The following UBR1 variants were observed in gnomAD, a reference collection of about 807,000 sequenced individuals.
The protein encoded by UBR1 is E3 ubiquitin-protein ligase UBR1.
UBR1 carries 102 observed loss-of-function variants against 242.1 expected under a neutral mutation model. That is an observed-to-expected ratio of 0.42 (90% CI 0.36 to 0.50). UBR1 has a LOEUF of 0.50. UBR1 is among the 20% of genes least tolerant of loss of function. The pLI, the probability that UBR1 is intolerant of heterozygous loss-of-function variation, is 0.01. For missense variants in UBR1, 1,772 were observed against 2,101.8 expected, an observed-to-expected ratio of 0.84 and a Z score of 3.07; for synonymous variants, 675 against 684.8, an observed-to-expected ratio of 0.99 and a Z score of 0.22.
At chr15:43,060,166 A>G (rs749880647) in intron 6 of UBR1, 52 bp from the exon 7 acceptor site, 56 of 1,544,126 alleles carry the variant, frequency 3.6e-5, no homozygotes, top group Non-Finnish European at 4.6e-5. Context: ...ACCACAATCA[A>G]TAAGCAATAT....
chr15:43,076,402 C>T (rs1482456309), intron 3 of UBR1, among the ~76,000 whole-genome samples: 1 of 152,184 alleles, frequency 6.6e-6, no homozygotes, highest in Non-Finnish European at 1.5e-5. Context: ...CGGCCGCCAC[C>T]CCGTCTGGGA....
chr15:43,007,143 C>T lies in UBR1; in HGVS notation c.3351G>A (p.Ser1117=), dbSNP rs373656330. ...AGGCAGTAGATTTCTGGACACAGGC[C>T]GATAATACCATGGCATTATTTTCTA... The part of the protein sequence containing the change: ...VKIENNAMVL[S]ACVQKSTALT... Residue 1117 remains serine, a synonymous_variant, in exon 30 of 47, where the codon TCG becomes TCA. Coordinates refer to ENST00000290650, the MANE Select transcript of UBR1 (RefSeq NM_174916.3). The T allele has an allele frequency of 5.1e-5, 83 of 1,614,042 alleles. No individual in the cohort carries two copies. The African/African-American group carries it at 8.8e-4, about 17-fold the overall frequency.
chr15:43,058,466 G>C, intron 9 of UBR1, 37 bp from the exon 10 acceptor site: 1 of 1,516,080 alleles, frequency 6.6e-7, no homozygotes, highest in Non-Finnish European at 9.1e-7. Context: ...GGAATGAGGA[G>C]AATCACCAAG....
At chr15:43,078,836 G>C (rs548448044) in intron 3 of UBR1, among the ~76,000 whole-genome samples, 6 of 152,050 alleles carry the variant, frequency 3.9e-5, no homozygotes, top group Admixed American at 3.3e-4. Context: ...AGGTGTGGTG[G>C]CATGCACCTG....
rs539051054 is a variant in UBR1, at chr15:43,100,402, C to T, written c.81+5540G>A. Among the ~76,000 whole-genome samples, 9 of 152,242 alleles carry T rather than the reference C, an allele frequency of 5.9e-5. 1 individual carries two copies. The highest frequency in any genetic ancestry group is 1.7e-4 in the African/African-American group (7 of 41,548). On this transcript the variant is annotated intron_variant, in intron 1 of 46. Transcript: ENST00000290650. ...AAGGTTAGCCACTACCCTAACATGCCGGCTCATTCCCTTTTTTCTATCTAC... is the reference window on the plus strand; with the variant it reads ...AAGGTTAGCCACTACCCTAACATGCTGGCTCATTCCCTTTTTTCTATCTAC...
intron 19 of UBR1, 45 bp from the exon 20 acceptor site, chr15:43,032,676 A>G (rs936350398): frequency 8.3e-7 from 1 of 1,201,352 alleles, no homozygotes; most frequent in Non-Finnish European, 1.2e-6. Context: ...AGAACCAAAA[A>G]CCTCCATAAA....
chr15:43,105,030 A>G (rs1281410922), intron 1 of UBR1, among the ~76,000 whole-genome samples: 2 of 152,220 alleles, frequency 1.3e-5, no homozygotes, highest in Non-Finnish European at 2.9e-5. Context: ...CTCTGCCTCA[A>G]AAAATAAATA....
chr15:43,004,806 C>G (rs1337720787), intron 30 of UBR1, among the ~76,000 whole-genome samples: 2 of 152,184 alleles, frequency 1.3e-5, no homozygotes, highest in Non-Finnish European at 2.9e-5. Flanking sequence ...GCCACCCCGT[C>G]TGGGAAGTGA....
At chr15:43,105,086 G>GA (rs1185700363) in intron 1 of UBR1, among the ~76,000 whole-genome samples, 6 of 152,210 alleles carry the variant, frequency 3.9e-5, no homozygotes, top group African/African-American at 9.6e-5. Context: ...AGAAACTTCA[G>GA]AAAAAATGTG....
At chr15:42,969,521 T>G (rs909556918) in intron 40 of UBR1, among the ~76,000 whole-genome samples, 13 of 152,208 alleles carry the variant, frequency 8.5e-5, no homozygotes, top group African/African-American at 2.7e-4. Flanking sequence ...TTTTGTTTAA[T>G]TATATCCCAT....
chr15:42,959,208 G>A (rs1326884280), intron 43 of UBR1, among the ~76,000 whole-genome samples: 1 of 151,912 alleles, frequency 6.6e-6, no homozygotes, highest in Admixed American at 6.6e-5. Context: ...ACATTTATTT[G>A]GCAAACCTAG....
In UBR1 at chr15:43,043,273, G is replaced by T; in HGVS notation, c.1791C>A (p.Ser597=). 1 of 1,614,086 alleles carries T rather than the reference G, an allele frequency of 6.2e-7. No individual in the cohort carries two copies. Among genetic ancestry groups the T allele is most frequent in the South Asian group, 1.1e-5 (1 of 91,078 alleles). The change falls in exon 15 of 47, where the codon TCC becomes TCA. Residue 597 remains serine, a synonymous_variant. Transcript: ENST00000290650. The stretch of plus-strand genomic sequence containing the variant: ...TTACAAGATCCTCAGATACTCTGTA[G>T]GACTTTGTTTCCAAACTATGTCCAC... ...QSCGHSLETK[S]YRVSEDLVSI...
intron 42 of UBR1, among the ~76,000 whole-genome samples, chr15:42,961,450 G>A (rs560728245): frequency 1.5e-5 from 2 of 133,198 alleles, no homozygotes; most frequent in African/African-American, 5.7e-5. Flanking sequence ...TTTAGATGGA[G>A]TCTCACTCTG....
At chr15:43,096,259 C>T (rs995086386) in intron 1 of UBR1, among the ~76,000 whole-genome samples, 5 of 151,852 alleles carry the variant, frequency 3.3e-5, no homozygotes, top group Non-Finnish European at 5.9e-5. Flanking sequence ...CTGCAATCTC[C>T]GCCTGCCGGA....
At chr15:43,061,410 A>G (rs1351942519) in intron 6 of UBR1, among the ~76,000 whole-genome samples, 1 of 152,224 alleles carries the variant, frequency 6.6e-6, no homozygotes, top group Non-Finnish European at 1.5e-5. Flanking sequence ...TTATACGAAA[A>G]AAGATACTTG....
intron 1 of UBR1, among the ~76,000 whole-genome samples, chr15:43,096,775 T>A (rs911883085): frequency 6.6e-6 from 1 of 152,226 alleles, no homozygotes; most frequent in Non-Finnish European, 1.5e-5. Context: ...TTACAGCAAT[T>A]CAGTCATAAC....
chr15:42,989,669 G>A (rs2032526084), intron 34 of UBR1, among the ~76,000 whole-genome samples: 1 of 152,110 alleles, frequency 6.6e-6, no homozygotes, highest in African/African-American at 2.4e-5. Context: ...AGTGACCTGA[G>A]ACTTTTCAGA....
chr15:43,004,152 T>G (rs1487238980), intron 30 of UBR1, among the ~76,000 whole-genome samples: 3 of 152,224 alleles, frequency 2.0e-5, no homozygotes, highest in Non-Finnish European at 2.9e-5. Flanking sequence ...ACTCTATCTT[T>G]GATTTACTTT....
At chr15:42,949,850 CTT>C (rs774175273) in intron 46 of UBR1, among the ~76,000 whole-genome samples, 37 of 141,294 alleles carry the variant, frequency 2.6e-4, no homozygotes, top group Non-Finnish European at 1.5e-4. Context: ...CTCTCAATTA[CTT>C]TTTTTTTTTT....
Sources: gnomAD v4.1 joint callset for allele counts (sites outside exome capture counted in the v4.1 genomes callset) on GRCh38, gnomAD v4.1.1 for gene constraint, MANE v1.5 for transcripts, NCBI Gene and HGNC (gene_info 2026-07-23, HGNC 2026-07-21) for gene names.